Variants in KCTD9 observed in about 807,000 individuals in gnomAD.
KCTD9 encodes the protein BTB/POZ domain-containing protein KCTD9.
KCTD9 carries 17 observed loss-of-function variants against 53.3 expected under a neutral mutation model. The observed-to-expected ratio is 0.32, with a 90% confidence interval of 0.22 to 0.48. KCTD9 has a LOEUF of 0.48. KCTD9 is among the 20% of genes least tolerant of loss of function. The pLI, the probability that KCTD9 is intolerant of heterozygous loss-of-function variation, is 0.99. For synonymous variants in KCTD9, 128 were observed against 162.7 expected (o/e 0.79, Z 1.62); for missense variants, 179 against 465.5 (o/e 0.38, Z 5.66).
chr8:25,440,456 A>G (rs1425089862), intron 4 of KCTD9, 121 bp downstream of exon 4: 5 of 701,892 alleles, frequency 7.1e-6, no homozygotes, highest in Non-Finnish European at 1.3e-5. Context: ...ATGGTTTCAG[A>G]TCACATAGTA....
In KCTD9 at chr8:25,429,090, G is replaced by C. The variant is rs1801885496; in HGVS notation, c.*767C>G. 6.6e-6 allele frequency: 1 copy of C among 152,170 alleles called. No individual in the cohort carries two copies. The highest frequency in any genetic ancestry group is 1.5e-5 in the Non-Finnish European group (1 of 68,028). The allele number at this position is 152,170 out of a possible 1,614,324, so 9.4% of individuals were successfully genotyped here. ...TCTGGTGTTGAGTGGAACTTGCCTA[G>C]AATGAAATTCTGAGAAATTCTCATT... On this transcript the variant is annotated 3_prime_UTR_variant, in exon 12 of 12. Transcript: ENST00000221200.
intron 9 of KCTD9, among the ~76,000 whole-genome samples, chr8:25,433,650 T>C (rs1801968154): frequency 6.6e-6 from 1 of 152,224 alleles, no homozygotes; most frequent in African/African-American, 2.4e-5. Context: ...AACTGTTTTT[T>C]AAAAAATAAA....
At chr8:25,454,812 A>G (rs1802400669) in intron 1 of KCTD9, among the ~76,000 whole-genome samples, 1 of 152,240 alleles carries the variant, frequency 6.6e-6, no homozygotes, top group Non-Finnish European at 1.5e-5. Context: ...GTTAGAAAGT[A>G]CATGTTTTCC....
At chr8:25,449,997 C>T (rs1459115689) in intron 1 of KCTD9, among the ~76,000 whole-genome samples, 1 of 152,102 alleles carries the variant, frequency 6.6e-6, no homozygotes, top group African/African-American at 2.4e-5. Context: ...TCAAATGTGA[C>T]CAGATGATAG....
At chr8:25,441,781 C>T (rs548767175) in intron 3 of KCTD9, among the ~76,000 whole-genome samples, 5 of 152,038 alleles carry the variant, frequency 3.3e-5, no homozygotes, top group Non-Finnish European at 7.4e-5. Flanking sequence ...TGCTTGAGCT[C>T]AGGAGTTCGA....
At chr8:25,456,872 G>GT (rs1480665948) in intron 1 of KCTD9, among the ~76,000 whole-genome samples, 5 of 151,980 alleles carry the variant, frequency 3.3e-5, no homozygotes, top group African/African-American at 7.3e-5. Flanking sequence ...TCAACCAGAA[G>GT]TTTGTTTTTG....
At chr8:25,431,944 C>T (rs1468944403) in intron 11 of KCTD9, among the ~76,000 whole-genome samples, 5 of 152,132 alleles carry the variant, frequency 3.3e-5, no homozygotes, top group African/African-American at 1.2e-4. Context: ...ATCTCAAGCG[C>T]TCAATAGCTA....
intron 1 of KCTD9, among the ~76,000 whole-genome samples, chr8:25,449,601 CTGCCATGTTTTAAAGCTG>C: frequency 6.6e-6 from 1 of 152,242 alleles, no homozygotes; most frequent in East Asian, 1.9e-4. Flanking sequence ...TAAAGGCCAC[CTGCCATGTTTTAAAGCTG>C]TGCTGTCCAG....
At chr8:25,441,771 T>C (rs1348560575) in intron 3 of KCTD9, among the ~76,000 whole-genome samples, 1 of 152,002 alleles carries the variant, frequency 6.6e-6, no homozygotes, top group Non-Finnish European at 1.5e-5. Flanking sequence ...GCGGGTGGAT[T>C]GCTTGAGCTC....
chr8:25,430,102 A>AAAAC, intron 11 of KCTD9, 129 bp from the exon 12 acceptor site: 1 of 660,132 alleles, frequency 1.5e-6, no homozygotes, highest in East Asian at 2.6e-5. Flanking sequence ...TAATTTCCGG[A>AAAAC]AAACTGATGA....
chr8:25,440,681 T>TGACA lies in KCTD9; in HGVS notation c.215-12_215-9dup. 6.4e-7 allele frequency: 1 copy of TGACA among 1,551,288 alleles called. No homozygotes were observed. Among genetic ancestry groups the TGACA allele is most frequent in the South Asian group, 1.1e-5 (1 of 89,820 alleles). ...TAGAATCTGTCTGAGGATCTAGAGA[T>TGACA]GACATGTAGAAAATAATACAAATAT... On this transcript the variant is annotated splice_polypyrimidine_tract_variant and intron_variant, in intron 3 of 11. Coordinates refer to ENST00000221200, the MANE Select transcript of KCTD9 (RefSeq NM_017634.4).
At chr8:25,447,685 G>A (rs1802240232) in intron 1 of KCTD9, among the ~76,000 whole-genome samples, 1 of 152,180 alleles carries the variant, frequency 6.6e-6, no homozygotes, top group Admixed American at 6.5e-5. Context: ...GAAGAGTGCT[G>A]GGGCATTTTG....
At chr8:25,440,066 T>G (rs1033101837) in intron 4 of KCTD9, among the ~76,000 whole-genome samples, 2 of 150,798 alleles carry the variant, frequency 1.3e-5, no homozygotes, top group Admixed American at 6.6e-5. Context: ...CATGTTTTTT[T>G]TTTTTTTTTT....
chr8:25,454,069 T>TA (rs993683589), intron 1 of KCTD9, among the ~76,000 whole-genome samples: 128 of 152,308 alleles, frequency 8.4e-4, no homozygotes, highest in African/African-American at 2.9e-3. Context: ...GTTGTTGTTT[T>TA]AGAGATGGGA....
At chr8:25,441,537 A>G (rs1401419257) in intron 3 of KCTD9, among the ~76,000 whole-genome samples, 1 of 152,198 alleles carries the variant, frequency 6.6e-6, no homozygotes, top group African/African-American at 2.4e-5. Context: ...AACAATATAA[A>G]CCAGGATTTA....
chr8:25,441,696 T>G (rs959248692), intron 3 of KCTD9, among the ~76,000 whole-genome samples: 4 of 151,918 alleles, frequency 2.6e-5, no homozygotes, highest in Non-Finnish European at 5.9e-5. Context: ...AGAGAATAGC[T>G]TGAAAAATTA....
chr8:25,438,167 A>G (rs1489263605), intron 6 of KCTD9, among the ~76,000 whole-genome samples: 4 of 152,318 alleles, frequency 2.6e-5, no homozygotes, highest in Non-Finnish European at 4.4e-5. Context: ...ATGGATAAAT[A>G]TATTTCTGAC....
Position 25,440,959 on chromosome 8 carries a change from A to G in KCTD9, c.215-286T>C, listed in dbSNP as rs1802110018. On this transcript the variant is annotated intron_variant, in intron 3 of 11. Transcript: ENST00000221200. ...GAACCCATGAATGTTAAAGCCATCC[A>G]TAGATACTGACTTCATTGCTTAATA... Among the ~76,000 whole-genome samples, 3 of 152,240 alleles carry G rather than the reference A, an allele frequency of 2.0e-5. No individual in the cohort carries two copies. The South Asian group carries it at 6.2e-4, about 31-fold the overall frequency.
At chr8:25,447,888 A>C (rs1485240218) in intron 1 of KCTD9, among the ~76,000 whole-genome samples, 5 of 152,202 alleles carry the variant, frequency 3.3e-5, no homozygotes, top group African/African-American at 7.2e-5. Context: ...GCACTTTGAG[A>C]GGCTGTGGCA....
Sources: allele counts gnomAD v4.1 joint callset (sites outside exome capture counted in the v4.1 genomes callset), GRCh38; gene constraint gnomAD v4.1.1; transcripts MANE v1.5; gene names NCBI Gene and HGNC (gene_info 2026-07-23, HGNC 2026-07-21).